Variants in AOPEP observed in about 807,000 individuals in gnomAD.
The protein encoded by AOPEP is aminopeptidase O (putative).
A neutral mutation model predicts 98.1 loss-of-function variants in AOPEP; 77 were observed. That is an observed-to-expected ratio of 0.78 (90% CI 0.65 to 0.95). The LOEUF (loss-of-function observed/expected upper bound fraction) is 0.95, where lower values mean the gene tolerates loss of function less well. Among genes scored for constraint, AOPEP ranks in the 40% least tolerant of loss-of-function variants. AOPEP has a pLI of 0.00. For missense variants in AOPEP, 1,024 were observed against 1,024.7 expected, an observed-to-expected ratio of 1.00 and a Z score of 0.01; for synonymous variants, 346 against 365.3, an observed-to-expected ratio of 0.95 and a Z score of 0.60.
At chr9:95,048,205 T>C (rs2066008472) in intron 13 of AOPEP, among the ~76,000 whole-genome samples, 1 of 152,132 alleles carries the variant, frequency 6.6e-6, no homozygotes, top group African/African-American at 2.4e-5. Context: ...TGAAATGGCA[T>C]GTATGCTATA....
chr9:94,809,922 T>G (rs951999424), intron 5 of AOPEP: 1 of 155,898 alleles, frequency 6.4e-6, no homozygotes, highest in South Asian at 2.0e-4. Flanking sequence ...TGAGCCGCAG[T>G]CTTGGTATCT....
At chr9:94,954,469 A>T (rs1441221835) in intron 7 of AOPEP, among the ~76,000 whole-genome samples, 1 of 152,202 alleles carries the variant, frequency 6.6e-6, no homozygotes, top group Admixed American at 6.5e-5. Flanking sequence ...TAAGGAAAAA[A>T]TCGCAAAAAA....
intron 5 of AOPEP, among the ~76,000 whole-genome samples, chr9:94,874,892 A>G (rs1216925018): frequency 6.6e-6 from 1 of 152,152 alleles, no homozygotes; most frequent in South Asian, 2.1e-4. Context: ...GTATTTCCTT[A>G]TTTATTTTTT....
intron 11 of AOPEP, among the ~76,000 whole-genome samples, chr9:94,989,312 G>C (rs192251265): frequency 9.2e-5 from 14 of 152,008 alleles, no homozygotes; most frequent in African/African-American, 2.7e-4. Context: ...CTGTGTTAGC[G>C]AGGATGGTCT....
chr9:95,009,374 A>G (rs1564517376), intron 13 of AOPEP, among the ~76,000 whole-genome samples: 1 of 152,188 alleles, frequency 6.6e-6, no homozygotes, highest in Non-Finnish European at 1.5e-5. Flanking sequence ...TTATGAAATA[A>G]TATACTTATG....
chr9:94,861,343 G>T (rs751864365), intron 5 of AOPEP, among the ~76,000 whole-genome samples: 1 of 152,152 alleles, frequency 6.6e-6, no homozygotes, highest in Non-Finnish European at 1.5e-5. Context: ...ATGATGTGGG[G>T]GCATATGGAG....
chr9:94,790,474 T>C (rs568902245), intron 3 of AOPEP, among the ~76,000 whole-genome samples: 1 of 152,082 alleles, frequency 6.6e-6, no homozygotes, highest in East Asian at 1.9e-4. Context: ...TTCAACTTCT[T>C]AGCTACAAAG....
chr9:95,139,280 A>G, the AOPEP span, among the ~76,000 whole-genome samples: 1 of 152,126 alleles, frequency 6.6e-6, no homozygotes, highest in African/African-American at 2.4e-5. Flanking sequence ...CGCTGAGGAG[A>G]GTGACAACAC....
chr9:95,120,405 G>C, the AOPEP span, among the ~76,000 whole-genome samples: 1 of 151,210 alleles, frequency 6.6e-6, no homozygotes, highest in Admixed American at 6.6e-5. Flanking sequence ...GATTACAATG[G>C]CTTTTAAAAT....
the AOPEP span, chr9:95,113,615 CA>C: frequency 2.2e-3 from 329 of 146,480 alleles, 2 homozygotes; most frequent in South Asian, 2.8e-3. Context: ...AAGACCTCTA[CA>C]AAAAAAAAAA....
intron 7 of AOPEP, among the ~76,000 whole-genome samples, chr9:94,943,201 G>A (rs2057211535): frequency 6.6e-6 from 1 of 152,132 alleles, no homozygotes; most frequent in South Asian, 2.1e-4. Flanking sequence ...AGAATGGGAG[G>A]TAATATTTGC....
At chr9:94,990,504 T>C (rs2060825531) in intron 11 of AOPEP, among the ~76,000 whole-genome samples, 1 of 152,158 alleles carries the variant, frequency 6.6e-6, no homozygotes, top group Non-Finnish European at 1.5e-5. Flanking sequence ...CTTGTATCAA[T>C]AGAAAAACAA....
intron 1 of AOPEP, among the ~76,000 whole-genome samples, chr9:94,748,013 C>T (rs1199613734): frequency 1.3e-5 from 2 of 152,142 alleles, no homozygotes; most frequent in Non-Finnish European, 2.9e-5. Context: ...TCTAGTCATT[C>T]AAAACTTTGG....
chr9:94,965,614 A>G (rs1003806768), intron 9 of AOPEP, among the ~76,000 whole-genome samples: 41 of 152,266 alleles, frequency 2.7e-4, no homozygotes, highest in Non-Finnish European at 2.4e-4. Flanking sequence ...TCTCACAGTT[A>G]AATGGGTCTC....
At position 94,960,630 on chromosome 9, in the gene AOPEP, T is replaced by C. The variant is rs528667235; in HGVS notation, c.1872+4615T>C. ...TACCTTTTTTCATGAATATTTTATT[T>C]TGATTCAGCTCTTTGCTGGCTGAAT... On this transcript the variant is annotated intron_variant, in intron 9 of 16. Coordinates refer to ENST00000375315, the MANE Select transcript of AOPEP (RefSeq NM_001193329.3). Among the ~76,000 whole-genome samples, 12 of 152,352 alleles carry C rather than the reference T, an allele frequency of 7.9e-5. No individual in the cohort carries two copies. In the South Asian group the frequency reaches 8.3e-4, roughly 11 times the overall value.
chr9:95,132,036 A>G, the AOPEP span, among the ~76,000 whole-genome samples: 1 of 152,262 alleles, frequency 6.6e-6, no homozygotes, highest in Non-Finnish European at 1.5e-5. Context: ...AAAATGAAGC[A>G]TATTCTGATA....
chr9:94,884,872 G>A (rs1481995530), intron 5 of AOPEP, among the ~76,000 whole-genome samples: 2 of 150,454 alleles, frequency 1.3e-5, no homozygotes, highest in African/African-American at 2.5e-5. Flanking sequence ...AGCTGGGCGT[G>A]GTGGCGGGCG....
chr9:95,045,352 G>A (rs1003724541), intron 13 of AOPEP, among the ~76,000 whole-genome samples: 1 of 152,234 alleles, frequency 6.6e-6, no homozygotes, highest in Non-Finnish European at 1.5e-5. Flanking sequence ...CCCTGCACCC[G>A]GCGGGCCTCC....
chr9:95,020,472 A>G lies in AOPEP; in HGVS notation c.2115+14856A>G, dbSNP rs574794847. On this transcript the variant is annotated intron_variant, in intron 13 of 16. Coordinates refer to ENST00000375315, the MANE Select transcript of AOPEP (RefSeq NM_001193329.3). ...ATTCCAAAGAGCAGATAAGGATTCT[A>G]TAGTAACACAGCTGGGTTCACTGCA... 3.9e-5 allele frequency among the ~76,000 whole-genome samples: 6 copies of G among 152,220 alleles called. No individual in the cohort carries two copies. In the South Asian group the frequency reaches 6.2e-4, roughly 16 times the overall value.
Sources: allele counts gnomAD v4.1 joint callset (sites outside exome capture counted in the v4.1 genomes callset), GRCh38; gene constraint gnomAD v4.1.1; transcripts MANE v1.5; gene names NCBI Gene and HGNC (gene_info 2026-07-23, HGNC 2026-07-21).